FSD2: variants seen among roughly 807,000 people sequenced by gnomAD.
FSD2 encodes the protein fibronectin type III and SPRY domain-containing protein 2.
FSD2 carries 71 observed loss-of-function variants against 80.4 expected under a neutral mutation model. The observed-to-expected ratio is 0.88, with a 90% confidence interval of 0.73 to 1.08. FSD2 has a LOEUF of 1.08. Ranked by LOEUF, FSD2 falls within the 50% of genes least tolerant of loss-of-function variation. The probability of loss-of-function intolerance (pLI) is 0.00; values close to 1 mark genes in which losing one functional copy is unlikely to be tolerated. For synonymous variants in FSD2, 361 were observed against 329.5 expected (o/e 1.10, Z -1.03); for missense variants, 923 against 913.8 (o/e 1.01, Z -0.13).
rs1018680763 is a variant in FSD2, at chr15:82,778,717, A to G, written c.1111+49T>C. On this transcript the variant is annotated intron_variant, in intron 6 of 12. Coordinates refer to ENST00000334574, the MANE Select transcript of FSD2 (RefSeq NM_001007122.4). ...GTGTTCTCATCACAAGAAAGAAAAA[A>G]GCTCTGGGTAGTCTGAACCTGCCGC... The G allele has an allele frequency of 2.6e-6, 4 of 1,530,428 alleles. No homozygotes were observed. In the African/African-American group the frequency reaches 5.6e-5, roughly 21 times the overall value. 94.8% of individuals were successfully genotyped at this position (1,530,428 alleles called of 1,614,324 possible).
intron 1 of FSD2, among the ~76,000 whole-genome samples, chr15:82,799,313 C>A (rs965361307): frequency 1.3e-5 from 2 of 152,190 alleles, no homozygotes; most frequent in African/African-American, 4.8e-5. Context: ...CCCGGCTCAG[C>A]TGGGATTTCC....
At chr15:82,786,425 C>CT (rs1567313705) in intron 3 of FSD2, 86 bp downstream of exon 3, 1 of 1,022,852 alleles carries the variant, frequency 9.8e-7, no homozygotes, top group African/African-American at 1.6e-5. Context: ...AAAACAGATT[C>CT]TCTAGCTCAT....
intron 1 of FSD2, among the ~76,000 whole-genome samples, chr15:82,796,915 T>C (rs1386576430): frequency 6.6e-6 from 1 of 151,904 alleles, no homozygotes; most frequent in Non-Finnish European, 1.5e-5. Context: ...TCATGTAGAT[T>C]CTTTTTTCAC....
At position 82,771,953 on chromosome 15, in the gene FSD2, C is replaced by T. The variant is rs2049586275; in HGVS notation, c.1267+120G>A. 1.2e-5 allele frequency: 13 copies of T among 1,049,916 alleles called. 1 individual carries two copies. The South Asian group carries it at 2.4e-4, about 19-fold the overall frequency. 65.0% of individuals were successfully genotyped at this position (1,049,916 alleles called of 1,614,324 possible). A position where few individuals can be genotyped will look rare whatever the true frequency, so the allele number is the denominator to read the frequency against. On this transcript the variant is annotated intron_variant, in intron 7 of 12. Transcript: ENST00000334574. ...CCTGTTCACCTGCCTGCATCCAATC[C>T]TCTGCATGTCTAGACCCATCCTGTC...
At chr15:82,759,699 G>A (rs768058653) in intron 12 of FSD2, 99 bp from the exon 13 acceptor site, 2 of 1,088,456 alleles carry the variant, frequency 1.8e-6, no homozygotes, top group Non-Finnish European at 2.6e-6. Flanking sequence ...CTATGATTTT[G>A]CTATTTTCTA....
At chr15:82,764,492 C>CTTTTTTTTGTTTTT (rs2049362616) in intron 11 of FSD2, among the ~76,000 whole-genome samples, 1 of 86,180 alleles carries the variant, frequency 1.2e-5, no homozygotes, top group East Asian at 3.2e-4. Context: ...TCTTTACTTG[C>CTTTTTTTTGTTTTT]TTTTTTTTTT....
intron 6 of FSD2, among the ~76,000 whole-genome samples, chr15:82,774,535 A>T (rs541664294): frequency 6.6e-6 from 1 of 152,318 alleles, no homozygotes; most frequent in South Asian, 2.1e-4. Flanking sequence ...CCAGAGTCAC[A>T]CTGCTAGGAA....
chr15:82,799,694 G>A (rs1011482259), intron 1 of FSD2, among the ~76,000 whole-genome samples: 1 of 152,190 alleles, frequency 6.6e-6, no homozygotes, highest in South Asian at 2.1e-4. Flanking sequence ...CTGTTAGTGG[G>A]GTGTCCTCCC....
At chr15:82,772,308 A>G (rs2049601733) in intron 6 of FSD2, 80 bp from the exon 7 acceptor site, 3 of 1,383,990 alleles carry the variant, frequency 2.2e-6, no homozygotes, top group East Asian at 5.0e-5. Flanking sequence ...ATGACCATTG[A>G]TCCCCCCAAT....
chr15:82,777,863 AAAG>A (rs1269646849), intron 6 of FSD2, among the ~76,000 whole-genome samples: 1 of 151,442 alleles, frequency 6.6e-6, no homozygotes, highest in Non-Finnish European at 1.5e-5. Context: ...AAAAAAAAAA[AAAG>A]GTGAAAGGTA....
chr15:82,777,764 T>C (rs2049746764), intron 6 of FSD2, among the ~76,000 whole-genome samples: 1 of 151,246 alleles, frequency 6.6e-6, no homozygotes, highest in East Asian at 2.0e-4. Context: ...GGAGAATCAC[T>C]TGAACCTGGG....
At chr15:82,770,273 C>G (rs750843299) in intron 7 of FSD2, among the ~76,000 whole-genome samples, 1 of 152,198 alleles carries the variant, frequency 6.6e-6, no homozygotes, top group Non-Finnish European at 1.5e-5. Flanking sequence ...CCCAAGTCCT[C>G]CCGGCTATCC....
intron 5 of FSD2, among the ~76,000 whole-genome samples, chr15:82,779,112 G>A (rs1004496860): frequency 5.3e-5 from 8 of 152,118 alleles, no homozygotes; most frequent in African/African-American, 1.9e-4. Context: ...AGAGGAGAAA[G>A]GGTAAGGTCA....
rs143711664 is a variant in FSD2, at chr15:82,796,000, C to CT, written c.-78-8533dup. 7.8e-3 allele frequency among the ~76,000 whole-genome samples: 911 copies of CT among 117,456 alleles called. 13 individuals carry two copies. The highest frequency in any genetic ancestry group is 0.061 in the South Asian group (218 of 3,602). The allele number at this position is 117,456 out of a possible 152,430, so 77.1% of individuals were successfully genotyped here. On this transcript the variant is annotated intron_variant, in intron 1 of 12. Transcript: ENST00000334574. Reference sequence around the variant, plus strand: ...TTTGATTTCCTTTTCTTTTTCTTTTCTTTTTTTTTTTTTTTTTTTGAGATG... The same window carrying CT: ...TTTGATTTCCTTTTCTTTTTCTTTTCTTTTTTTTTTTTTTTTTTTTGAGATG...
intron 1 of FSD2, among the ~76,000 whole-genome samples, chr15:82,797,289 G>T (rs1004809710): frequency 6.6e-6 from 1 of 152,182 alleles, no homozygotes; most frequent in Non-Finnish European, 1.5e-5. Flanking sequence ...AAAAATGTGA[G>T]TGACATTGCT....
chr15:82,782,065 AAATAATAATAAT>A (rs71455428), intron 4 of FSD2, among the ~76,000 whole-genome samples: 94 of 107,028 alleles, frequency 8.8e-4, no homozygotes, highest in African/African-American at 2.9e-3. Context: ...CTCCATCTCA[AAATAATAATAAT>A]AATAATAATA....
In FSD2 at chr15:82,759,402, C is replaced by T; in HGVS notation, c.2196G>A (p.Gly732=). Residue 732 remains glycine (G), a synonymous_variant, in exon 13 of 13, where the codon GGG becomes GGA. Transcript: ENST00000334574. The part of the protein sequence containing the change: ...VHPCFSLEKP[G]CLKVHNGISM... ...AAATGCCATTATGTACCTTTAGACA[C>T]CCAGGCTTTTCCAAAGAAAAACAGG... is the stretch of plus-strand genomic sequence containing the variant. 6.2e-7 allele frequency: 1 copy of T among 1,613,678 alleles called. No homozygotes were observed. The highest frequency in any genetic ancestry group is 8.5e-7 in the Non-Finnish European group (1 of 1,179,754).
Position 82,783,023 on chromosome 15 carries a change from C to G in FSD2, c.738G>C (p.Glu246Asp). 1 of 1,605,996 alleles carries G rather than the reference C, an allele frequency of 6.2e-7. No homozygotes were observed. Among genetic ancestry groups the G allele is most frequent in the Non-Finnish European group, 8.5e-7 (1 of 1,174,312 alleles). Residue 246 changes from glutamate to aspartate, a missense_variant and splice_region_variant, in exon 4 of 13, where the codon GAG (glutamate) becomes GAC (aspartate). By Grantham distance (45) the Glu-to-Asp change is conservative. Transcript: ENST00000334574. Reference protein sequence around the residue: ...HLEEVFITVEENFGKQEQNFE... With the variant: ...HLEEVFITVEDNFGKQEQNFE... ...AGTTTTGTTCTTGTTTTCCAAAATT[C>G]TCCTGCAAGACAGTTGATCTCAGTC...
intron 4 of FSD2, among the ~76,000 whole-genome samples, chr15:82,782,252 T>A (rs62011701): frequency 6.7e-6 from 1 of 149,716 alleles, no homozygotes; most frequent in Non-Finnish European, 1.5e-5. Flanking sequence ...AAAAAAAAAT[T>A]AGCTGGGCTT....
Sources: gnomAD v4.1 joint callset for allele counts (sites outside exome capture counted in the v4.1 genomes callset) on GRCh38, gnomAD v4.1.1 for gene constraint, MANE v1.5 for transcripts, NCBI Gene and HGNC (gene_info 2026-07-23, HGNC 2026-07-21) for gene names.